The following PEG3 variants were observed in gnomAD, a reference collection of about 807,000 sequenced individuals.
PEG3 encodes the protein paternally expressed 3.
In PEG3, 23 loss-of-function variants were observed where a neutral mutation model predicts 35.5. That is an observed-to-expected ratio of 0.65 (90% CI 0.47 to 0.92). The LOEUF (loss-of-function observed/expected upper bound fraction) is 0.92. PEG3 is among the 40% of genes least tolerant of loss of function. The pLI is 0.00. For missense variants in PEG3, 1,960 were observed against 1,985.3 expected (o/e 0.99, Z 0.24); for synonymous variants, 707 against 697.0 (o/e 1.01, Z -0.23).
In PEG3 at chr19:56,813,829, G is replaced by A. The variant is rs745497032; in HGVS notation, c.4613C>T (p.Ala1538Val). ...ASMIIFEPAN[A>V]FGECSGYIER... ...GATGTAGCCTGAGCACTCCCCAAAG[G>A]CATTTGCAGGCTCAAATATGATCAT... Residue 1538 changes from alanine to valine, a missense_variant, in exon 10 of 10, where the codon GCC becomes GTC. Ala to Val is a moderately conservative substitution (Grantham distance 64). Coordinates refer to ENST00000326441, the MANE Select transcript of PEG3 (RefSeq NM_006210.3). 5.0e-6 allele frequency: 8 copies of A among 1,614,034 alleles called. No homozygotes were observed. The African/African-American group carries it at 6.7e-5, about 13-fold the overall frequency.
At position 56,812,343 on chromosome 19, in the gene PEG3, G is replaced by A. The variant is rs767149876; in HGVS notation, c.*1332C>T. 50 of 982,428 alleles carry A rather than the reference G, an allele frequency of 5.1e-5. No individual in the cohort carries two copies. The highest frequency in any genetic ancestry group is 1.2e-4 in the Admixed American group (2 of 16,234). The allele number at this position is 982,428 out of a possible 1,614,324, so 60.9% of individuals were successfully genotyped here. On this transcript the variant is annotated 3_prime_UTR_variant, in exon 10 of 10. Transcript: ENST00000326441. ...TACTCTAGGAGAGCTGAAAAAGAAG[G>A]AACAGATGTTAACAAAACAAATTAA... is the stretch of plus-strand genomic sequence containing the variant.
rs141346770 is a variant in PEG3 at position 56,824,337 on chromosome 19, G to A, written c.319C>T (p.Arg107Ter). The A allele has an allele frequency of 1.1e-4, 183 of 1,613,976 alleles. 1 individual carries two copies. In the East Asian group the frequency reaches 3.9e-3, roughly 34 times the overall value. Residue 107 changes from arginine to a stop codon, truncating the protein, a stop_gained, in exon 4 of 10, where the codon CGA (arginine) becomes TGA (stop). Coordinates refer to ENST00000326441, the MANE Select transcript of PEG3 (RefSeq NM_006210.3). LOFTEE classifies it high-confidence loss of function. Reference protein sequence around the residue: ...IIPEKLKPWVRAKKPENCEKL... With the variant: ...IIPEKLKPWV ...TCACAGTTCTCCGGCTTTTTTGCTC[G>A]CACCCAAGGCTTGAGCTTTTCAGGG...
At chr19:56,837,556 C>T (rs1213316080) in intron 1 of PEG3, among the ~76,000 whole-genome samples, 2 of 152,248 alleles carry the variant, frequency 1.3e-5, no homozygotes, top group African/African-American at 4.8e-5. Flanking sequence ...CTTCCCGAGG[C>T]CTGGCTTTGG....
In PEG3 at chr19:56,811,678, T is replaced by TCCTTTTC; in HGVS notation, c.*1990_*1996dup. On this transcript the variant is annotated 3_prime_UTR_variant, in exon 10 of 10. Coordinates refer to ENST00000326441, the MANE Select transcript of PEG3 (RefSeq NM_006210.3). ...TCAACACTGATTCTCGTTTCAAGAGTCCTTTTCCCATGTAGTAAACCTCAC... is the reference window on the plus strand; with the variant it reads ...TCAACACTGATTCTCGTTTCAAGAGTCCTTTTCCCTTTTCCCATGTAGTAAACCTCAC... 3 of 985,350 alleles carry TCCTTTTC rather than the reference T, an allele frequency of 3.0e-6. No homozygotes were observed. In the South Asian group the frequency reaches 1.4e-4, roughly 46 times the overall value. 61.0% of individuals were successfully genotyped at this position (985,350 alleles called of 1,614,324 possible).
At position 56,813,552 on chromosome 19, in the gene PEG3, T is replaced by C; in HGVS notation, c.*123A>G. The C allele has an allele frequency of 6.9e-7, 1 of 1,448,656 alleles. No homozygotes were observed. The highest frequency in any genetic ancestry group is 9.1e-7 in the Non-Finnish European group (1 of 1,097,742). The allele number at this position is 1,448,656 out of a possible 1,614,324, so 89.7% of individuals were successfully genotyped here. On this transcript the variant is annotated 3_prime_UTR_variant, in exon 10 of 10. Transcript: ENST00000326441. ...TCAATCTGAGTTTAGAGATGTTAAG[T>C]CAGGTGTGTAACACACTAAGGTTAA...
rs2060045622 is a variant in PEG3 at position 56,817,085 on chromosome 19, C to T, written c.1357G>A (p.Val453Ile). 2 of 1,614,186 alleles carry T rather than the reference C, an allele frequency of 1.2e-6. No individual in the cohort carries two copies. Among genetic ancestry groups the T allele is most frequent in the Non-Finnish European group, 1.7e-6 (2 of 1,180,020 alleles). ...AACGACCTCCCACACTCATCACATA[C>T]ATATGGCATTGCCCCAAAATCAATT... Reference protein sequence around the residue: ...QPIDFGAMPYVCDECGRSFSV... With the variant: ...QPIDFGAMPYICDECGRSFSV... The change falls in exon 10 of 10, where the codon GTA becomes ATA. Residue 453 changes from valine (V) to isoleucine (I), a missense_variant. This residue lies in a region of PEG3 where 613 missense variants were observed against 577.1 expected (regional missense o/e 1.06). Transcript: ENST00000326441.
At chr19:56,828,283 G>A (rs2061253786) in intron 2 of PEG3, among the ~76,000 whole-genome samples, 1 of 152,152 alleles carries the variant, frequency 6.6e-6, no homozygotes, top group Non-Finnish European at 1.5e-5. Flanking sequence ...AATCAACTTT[G>A]AAACCTGTTA....
In PEG3 at chr19:56,813,661, T is replaced by C; in HGVS notation, c.*14A>G. ...AGTCCTAGGTGAAGGTTTTCTAACC[T>C]TTACCCCATGCCCTCAGCCAGTGTG... On this transcript the variant is annotated 3_prime_UTR_variant, in exon 10 of 10. Coordinates refer to ENST00000326441, the MANE Select transcript of PEG3 (RefSeq NM_006210.3). 1 of 1,606,390 alleles carries C rather than the reference T, an allele frequency of 6.2e-7. No homozygotes were observed. Among genetic ancestry groups the C allele is most frequent in the Non-Finnish European group, 8.5e-7 (1 of 1,174,636 alleles).
Sources: allele counts gnomAD v4.1 joint callset (sites outside exome capture counted in the v4.1 genomes callset), GRCh38; gene constraint gnomAD v4.1.1; regional missense constraint gnomAD v4.1.1; transcripts MANE v1.5; gene names NCBI Gene and HGNC (gene_info 2026-07-23, HGNC 2026-07-21).